RAB33A: variants seen among roughly 807,000 people sequenced by gnomAD.
RAB33A encodes the protein ras-related protein Rab-33A.
A neutral mutation model predicts 12.0 loss-of-function variants in RAB33A; 6 were observed. That is an observed-to-expected ratio of 0.50 (90% CI 0.27 to 0.99). The LOEUF (loss-of-function observed/expected upper bound fraction) is 0.99. Among genes scored for constraint, RAB33A ranks in the 50% least tolerant of loss-of-function variants. The probability of loss-of-function intolerance (pLI) is 0.11; values close to 1 mark genes in which losing one functional copy is unlikely to be tolerated. For missense variants in RAB33A, 109 were observed against 192.0 expected, an observed-to-expected ratio of 0.57 and a Z score of 2.55; for synonymous variants, 70 against 82.4, an observed-to-expected ratio of 0.85 and a Z score of 0.81.
At chrX:130,111,764 G>T in the RAB33A span, among the ~76,000 whole-genome samples, 2 of 112,156 alleles carry the variant, frequency 1.8e-5, no homozygotes, top group Non-Finnish European at 3.8e-5. Context: ...TGCTCCACGC[G>T]CCCACTTGAA....
chrX:130,173,605 A>G, intron 1 of RAB33A, among the ~76,000 whole-genome samples: 1 of 112,367 alleles, frequency 8.9e-6, no homozygotes, highest in Non-Finnish European at 1.9e-5. Flanking sequence ...TGGACAGCTC[A>G]GTACTGATAA....
At chrX:130,119,839 G>A in the RAB33A span, among the ~76,000 whole-genome samples, 1 of 111,740 alleles carries the variant, frequency 8.9e-6, no homozygotes, top group African/African-American at 3.3e-5. Flanking sequence ...GACTGAGAGG[G>A]GAGGAGAGGC....
the RAB33A span, among the ~76,000 whole-genome samples, chrX:130,120,231 T>C: frequency 9.1e-6 from 1 of 109,922 alleles, no homozygotes; most frequent in Non-Finnish European, 1.9e-5. Context: ...TTTTTTGTTT[T>C]TTGTTTTTTT....
the RAB33A span, among the ~76,000 whole-genome samples, chrX:130,139,283 G>A: frequency 9.2e-6 from 1 of 108,301 alleles, no homozygotes; most frequent in Non-Finnish European, 1.9e-5. Context: ...AGTGAGCCAA[G>A]ATCGCACCAC....
At chrX:130,161,162 T>C in the RAB33A span, among the ~76,000 whole-genome samples, 2 of 110,992 alleles carry the variant, frequency 1.8e-5, no homozygotes, top group African/African-American at 6.6e-5. Context: ...GGTTAAGAGA[T>C]CTATACGTTC....
the RAB33A span, among the ~76,000 whole-genome samples, chrX:130,125,206 C>T: frequency 9.0e-6 from 1 of 111,693 alleles, no homozygotes; most frequent in Non-Finnish European, 1.9e-5. Context: ...CTTCCAGAGA[C>T]GCCAGAGGCT....
At chrX:130,141,114 T>TC in the RAB33A span, among the ~76,000 whole-genome samples, 3 of 111,071 alleles carry the variant, frequency 2.7e-5, no homozygotes, top group Non-Finnish European at 5.7e-5. Flanking sequence ...AGATTCTGTC[T>TC]CAAAAACAAA....
At chrX:130,121,125 T>C in the RAB33A span, among the ~76,000 whole-genome samples, 1 of 112,498 alleles carries the variant, frequency 8.9e-6, no homozygotes, top group East Asian at 2.8e-4. Flanking sequence ...CCTGGGCGCC[T>C]CTTCTGGGGA....
chrX:130,146,472 TG>T, the RAB33A span, among the ~76,000 whole-genome samples: 5 of 107,788 alleles, frequency 4.6e-5, no homozygotes, highest in African/African-American at 1.7e-4. Context: ...TGTGTGTGTG[TG>T]TGTGTGTGTG....
At chrX:130,139,528 G>C in the RAB33A span, among the ~76,000 whole-genome samples, 2 of 111,143 alleles carry the variant, frequency 1.8e-5, no homozygotes, top group Admixed American at 9.6e-5. Context: ...AAACACATCA[G>C]GAAAAAACAA....
chrX:130,119,333 C>T, the RAB33A span, among the ~76,000 whole-genome samples: 4 of 111,896 alleles, frequency 3.6e-5, no homozygotes, highest in African/African-American at 9.7e-5. Context: ...GTGGTTAGCA[C>T]GTGACCCCAT....
intron 1 of RAB33A, among the ~76,000 whole-genome samples, chrX:130,178,951 G>A (rs1293069829): frequency 9.6e-6 from 1 of 103,834 alleles, no homozygotes; most frequent in African/African-American, 3.5e-5. Flanking sequence ...CGCGCCCGGC[G>A]ATTTTTTTTT....
upstream of RAB33A, chrX:130,171,502 T>G (rs2031605328): frequency 8.6e-6 from 1 of 115,629 alleles, no homozygotes; most frequent in Non-Finnish European, 1.8e-5. Context: ...CTGTGCTCCC[T>G]GCCCGCTGAC....
the RAB33A span, among the ~76,000 whole-genome samples, chrX:130,165,166 G>A: frequency 1.9e-4 from 20 of 105,117 alleles, no homozygotes; most frequent in Admixed American, 8.5e-4. Context: ...AAGAAACTTA[G>A]GCGTAGGGCT....
At chrX:130,152,356 T>C in the RAB33A span, among the ~76,000 whole-genome samples, 5 of 111,287 alleles carry the variant, frequency 4.5e-5, no homozygotes, top group Admixed American at 4.8e-4. Context: ...GTCTGATATA[T>C]ATATATAAAT....
upstream of RAB33A, among the ~76,000 whole-genome samples, chrX:130,169,224 A>G (rs1421655029): frequency 9.5e-6 from 1 of 105,468 alleles, no homozygotes; most frequent in Non-Finnish European, 1.9e-5. Context: ...AAAAAAAAAA[A>G]GTATCAATTC....
At chrX:130,165,268 G>A in the RAB33A span, among the ~76,000 whole-genome samples, 1 of 108,723 alleles carries the variant, frequency 9.2e-6, no homozygotes, top group African/African-American at 3.3e-5. Context: ...GGGATGCCGG[G>A]GAGGCGCCGA....
At chrX:130,150,992 AAAAG>A in the RAB33A span, among the ~76,000 whole-genome samples, 137 of 104,445 alleles carry the variant, frequency 1.3e-3, 1 homozygote, top group African/African-American at 4.6e-3. Flanking sequence ...AAAAAAAAAA[AAAAG>A]AAAAGAAAAA....
the RAB33A span, among the ~76,000 whole-genome samples, chrX:130,112,817 G>A: frequency 3.5e-4 from 39 of 110,972 alleles, no homozygotes; most frequent in Non-Finnish European, 2.1e-4. Flanking sequence ...AGTGAGCCGA[G>A]ATCGTGCCAC....
Sources: allele counts gnomAD v4.1 joint callset (sites outside exome capture counted in the v4.1 genomes callset), GRCh38; gene constraint gnomAD v4.1.1; transcripts MANE v1.5; gene names NCBI Gene and HGNC (gene_info 2026-07-23, HGNC 2026-07-21).